Variants in KCNH6 observed in about 807,000 individuals in gnomAD.
The protein encoded by KCNH6 is potassium voltage-gated channel subfamily H member 6.
KCNH6 carries 81 observed loss-of-function variants against 83.4 expected under a neutral mutation model. The ratio of observed to expected loss-of-function variants is 0.97; its 90% confidence interval spans 0.81 to 1.17. The LOEUF is 1.17. KCNH6 is among the 50% of genes most tolerant of loss of function. The pLI is 0.00. For missense variants in KCNH6, 1,203 were observed against 1,290.5 expected (o/e 0.93, Z 1.04); for synonymous variants, 503 against 545.6 (o/e 0.92, Z 1.09).
Position 63,538,604 on chromosome 17 carries a change from C to A in KCNH6, c.1896C>A (p.Tyr632Ter), listed in dbSNP as rs74561230. The stretch of plus-strand genomic sequence containing the variant: ...TCGGCGACGTGCTCTCCACCCTCTA[C>A]TTCATCTCCCGAGGCTCCATCGAGA... ...VHLGDVLSTLYFISRGSIEIL... is the reference protein window; with the variant it reads ...VHLGDVLSTL Residue 632 changes from tyrosine to a stop codon, truncating the protein, a stop_gained, in exon 8 of 13, where the codon TAC (tyrosine) becomes TAA (stop). Transcript: ENST00000314672. LOFTEE classifies it high-confidence loss of function. This position sits in a 1 kb window ranked among gnomAD's most constrained non-coding sequence, Gnocchi z 4.0. The A allele has an allele frequency of 4.8e-5, 77 of 1,611,874 alleles. 4 individuals carry two copies. In the South Asian group the frequency reaches 7.5e-4, roughly 16 times the overall value.
rs773344095 is a variant in KCNH6, at chr17:63,533,935, C to T, written c.725C>T (p.Pro242Leu). The change falls in exon 5 of 13, where the codon CCG becomes CTG. Residue 242 changes from proline to leucine, a missense_variant. Physicochemically the swap from Pro to Leu is moderately conservative, Grantham distance 98. Coordinates refer to ENST00000314672, the MANE Select transcript of KCNH6 (RefSeq NM_001278919.2). The surrounding 1 kb of genome is among the most constrained non-coding windows in gnomAD (Gnocchi z 4.1). ...CTGCCGGAGTACAAGCTGCAGGCGCCGCGCATCCACCGCTGGACCATCCTG... is the reference window on the plus strand; with the variant it reads ...CTGCCGGAGTACAAGCTGCAGGCGCTGCGCATCCACCGCTGGACCATCCTG... ...DVLPEYKLQA[P>L]RIHRWTILHY... 14 of 1,613,914 alleles carry T rather than the reference C, an allele frequency of 8.7e-6. No individual in the cohort carries two copies. The highest frequency in any genetic ancestry group is 2.2e-5 in the East Asian group (1 of 44,884).
intron 2 of KCNH6, among the ~76,000 whole-genome samples, chr17:63,525,452 C>G (rs1688342174): frequency 6.6e-6 from 1 of 152,136 alleles, no homozygotes. Context: ...AGAGAAGTCC[C>G]CAGGGAAGGC....
At position 63,535,831 on chromosome 17, in the gene KCNH6, A is replaced by G; in HGVS notation, c.1264A>G (p.Ile422Val). ...CTGGCTGGCCTGCATCTGGTACGCC[A>G]TCGGCAATGTGGAGCGGCCCTACCT... ...AHWLACIWYA[I>V]GNVERPYLEH... The change falls in exon 6 of 13, where the codon ATC becomes GTC. Residue 422 changes from isoleucine to valine, a missense_variant. Physicochemically the swap from Ile to Val is conservative, Grantham distance 29 (BLOSUM62 3). Coordinates refer to ENST00000314672, the MANE Select transcript of KCNH6 (RefSeq NM_001278919.2). The surrounding 1 kb of genome is among the most constrained non-coding windows in gnomAD (Gnocchi z 4.9). The G allele has an allele frequency of 6.2e-7, 1 of 1,614,200 alleles. No individual in the cohort carries two copies. The highest frequency in any genetic ancestry group is 1.1e-5 in the South Asian group (1 of 91,090).
In KCNH6 at chr17:63,535,520, A is replaced by T; in HGVS notation, c.1102-149A>T. 1 of 706,842 alleles carries T rather than the reference A, an allele frequency of 1.4e-6. No individual in the cohort carries two copies. The highest frequency in any genetic ancestry group is 2.3e-6 in the Non-Finnish European group (1 of 430,108). The allele number at this position is 706,842 out of a possible 1,614,324, so 43.8% of individuals were successfully genotyped here. On this transcript the variant is annotated intron_variant, in intron 5 of 12. Transcript: ENST00000314672. This position sits in a 1 kb window ranked among gnomAD's most constrained non-coding sequence, Gnocchi z 4.9. ...GATCCTCAATGTCCCATACTGTGCC[A>T]CACTGCCAAGTGCGTGGCCCGGAGG...
At chr17:63,539,423 G>A (rs375864303) in intron 8 of KCNH6, among the ~76,000 whole-genome samples, 1 of 152,068 alleles carries the variant, frequency 6.6e-6, no homozygotes, top group Non-Finnish European at 1.5e-5. Flanking sequence ...CGCTCCCACG[G>A]CTTCAGCCTT....
chr17:63,542,258 G>C lies in KCNH6; in HGVS notation c.1972G>C (p.Gly658Arg). The C allele has an allele frequency of 6.2e-7, 1 of 1,613,878 alleles. No individual in the cohort carries two copies. The change falls in exon 9 of 13, where the codon GGG (glycine) becomes CGG (arginine). Residue 658 changes from glycine to arginine, a missense_variant. Physicochemically the swap from Gly to Arg is moderately radical, Grantham distance 125. Transcript: ENST00000314672. ...VAILGKNDIF[G>R]EPVSLHAQPG... ...GCTGGCAGGAAAGAATGACATCTTT[G>C]GGGAACCCGTCAGCCTCCATGCCCA...
Position 63,545,117 on chromosome 17 carries a change from G to A in KCNH6, c.2436G>A (p.Leu812=), listed in dbSNP as rs781415552. The A allele has an allele frequency of 6.2e-7, 1 of 1,613,732 alleles. No homozygotes were observed. The highest frequency in any genetic ancestry group is 1.1e-5 in the South Asian group (1 of 91,090). ...TGTCCTCAGACCTCAGCCGCATCTTGCAGCTCCTCCAGAAGCCCATGCCCC... is the reference window on the plus strand; with the variant it reads ...TGTCCTCAGACCTCAGCCGCATCTTACAGCTCCTCCAGAAGCCCATGCCCC... ...SRVSSDLSRI[L]QLLQKPMPQG... Residue 812 remains leucine (L), a synonymous_variant, in exon 12 of 13, where the codon TTG becomes TTA. Transcript: ENST00000314672.
chr17:63,543,997 TC>T, intron 10 of KCNH6: 1 of 1,421,612 alleles, frequency 7.0e-7, no homozygotes, highest in Non-Finnish European at 9.5e-7. Flanking sequence ...GTGCTAAAAG[TC>T]CTCACCCTGC....
At position 63,545,243 on chromosome 17, in the gene KCNH6, G is replaced by A; in HGVS notation, c.2562G>A (p.Gln854=). ...CGAGTCCAGGGCCCAGGCTGCCCCA[G>A]GGCTTTCTGCCTCCTGCACAGGTAA... The part of the protein sequence containing the change: ...ETTSPGPRLP[Q]GFLPPAQTPS... The change falls in exon 12 of 13, where the codon CAG becomes CAA. Residue 854 remains glutamine, a synonymous_variant. Transcript: ENST00000314672. 1 of 1,613,538 alleles carries A rather than the reference G, an allele frequency of 6.2e-7. No individual in the cohort carries two copies.
In KCNH6 at chr17:63,543,668, A is replaced by G; in HGVS notation, c.2233+8A>G. ...TCAGTGACAACCAGTCAGGTGAGCA[A>G]AGCCAGCCCCCACCCCCACCAGCCT... On this transcript the variant is annotated splice_region_variant and intron_variant, in intron 10 of 12. Coordinates refer to ENST00000314672, the MANE Select transcript of KCNH6 (RefSeq NM_001278919.2). The G allele has an allele frequency of 1.1e-5, 17 of 1,593,524 alleles. No individual in the cohort carries two copies. Among genetic ancestry groups the G allele is most frequent in the Non-Finnish European group, 1.5e-5 (17 of 1,162,314 alleles).
At position 63,535,941 on chromosome 17, in the gene KCNH6, G is replaced by A. The variant is rs149199127; in HGVS notation, c.1374G>A (p.Ser458=). The A allele has an allele frequency of 6.1e-5, 98 of 1,613,790 alleles. No individual in the cohort carries two copies. Among genetic ancestry groups the A allele is most frequent in the Non-Finnish European group, 7.5e-5 (88 of 1,180,044 alleles). The change falls in exon 6 of 13, where the codon TCG becomes TCA. Residue 458 remains serine (S), a synonymous_variant. Transcript: ENST00000314672. This position sits in a 1 kb window ranked among gnomAD's most constrained non-coding sequence, Gnocchi z 4.9. ...GCAGCGACCCAGCCTCGGGCCCCTCGGTGCAGGACAAGTATGTCACAGCCC... is the reference window on the plus strand; with the variant it reads ...GCAGCGACCCAGCCTCGGGCCCCTCAGTGCAGGACAAGTATGTCACAGCCC... The part of the protein sequence containing the change: ...YNGSDPASGP[S]VQDKYVTALY...
At chr17:63,525,115 A>G (rs1266871043) in intron 2 of KCNH6, among the ~76,000 whole-genome samples, 7 of 152,314 alleles carry the variant, frequency 4.6e-5, no homozygotes, top group Middle Eastern at 3.4e-3. Context: ...TACCCAGAGC[A>G]TGTTTTCCAA....
chr17:63,528,572 C>T (rs1030865815), intron 2 of KCNH6, among the ~76,000 whole-genome samples: 1 of 152,274 alleles, frequency 6.6e-6, no homozygotes, highest in African/African-American at 2.4e-5. Context: ...CACCAGCGGC[C>T]GGCCTGCGTC....
At position 63,533,223 on chromosome 17, in the gene KCNH6, G is replaced by A. The variant is rs2032240597; in HGVS notation, c.676-663G>A. On this transcript the variant is annotated intron_variant, in intron 4 of 12. Transcript: ENST00000314672. This position sits in a 1 kb window ranked among gnomAD's most constrained non-coding sequence, Gnocchi z 4.1. ...GGGGGCGGGAGGGGAGAAGGGAGAA[G>A]GGAAGGCTCTGCAGAAGGTGATGAT... Among the ~76,000 whole-genome samples, 1 of 152,082 alleles carries A rather than the reference G, an allele frequency of 6.6e-6. No individual in the cohort carries two copies. Among genetic ancestry groups the A allele is most frequent in the African/African-American group, 2.4e-5 (1 of 41,408 alleles).
At position 63,527,855 on chromosome 17, in the gene KCNH6, T is replaced by C. The variant is rs551957584; in HGVS notation, c.308-2236T>C. Among the ~76,000 whole-genome samples the C allele has an allele frequency of 8.5e-5, 13 of 152,240 alleles. No individual in the cohort carries two copies. In the East Asian group the frequency reaches 2.3e-3, roughly 27 times the overall value. ...AAATCCTCCTAGCCTCCTGTCTGCC[T>C]ACCCAACAGGCCACAGGCATGGGGG... is the stretch of plus-strand genomic sequence containing the variant. On this transcript the variant is annotated intron_variant, in intron 2 of 12. Transcript: ENST00000314672.
At chr17:63,543,156 G>A (rs1185415417) in intron 9 of KCNH6, among the ~76,000 whole-genome samples, 3 of 152,186 alleles carry the variant, frequency 2.0e-5, no homozygotes, top group African/African-American at 7.2e-5. Context: ...CTGGTGCCCC[G>A]CCCCTCCACC....
intron 2 of KCNH6, among the ~76,000 whole-genome samples, chr17:63,528,506 G>A (rs2031866096): frequency 6.6e-6 from 1 of 152,208 alleles, no homozygotes; most frequent in Non-Finnish European, 1.5e-5. Context: ...GGCTGAGGAC[G>A]AAACAAGGAG....
At chr17:63,540,812 A>G (rs1416007536) in intron 8 of KCNH6, among the ~76,000 whole-genome samples, 3 of 152,206 alleles carry the variant, frequency 2.0e-5, no homozygotes, top group African/African-American at 4.8e-5. Context: ...CAAAGCAGTC[A>G]TGCTCCGTGG....
chr17:63,538,682 C>A lies in KCNH6; in HGVS notation c.1954+20C>A. The A allele has an allele frequency of 6.4e-7, 1 of 1,558,176 alleles. No individual in the cohort carries two copies. The highest frequency in any genetic ancestry group is 8.7e-7 in the Non-Finnish European group (1 of 1,147,766). ...TCCTAGGTGGGTCCGGCGGAGTGGA[C>A]CAGGCCTGTGTTGGGGATTGGATGG... is the stretch of plus-strand genomic sequence containing the variant. On this transcript the variant is annotated intron_variant, in intron 8 of 12. Transcript: ENST00000314672. The surrounding 1 kb of genome is among the most constrained non-coding windows in gnomAD (Gnocchi z 4.0).
Sources: allele counts gnomAD v4.1 joint callset (sites outside exome capture counted in the v4.1 genomes callset), GRCh38; gene constraint gnomAD v4.1.1; non-coding constraint Gnocchi (gnomAD v3.1); transcripts MANE v1.5; gene names NCBI Gene and HGNC (gene_info 2026-07-23, HGNC 2026-07-21).